IL1RAPL2: variants seen among roughly 807,000 people sequenced by gnomAD.
The protein encoded by IL1RAPL2 is X-linked interleukin-1 receptor accessory protein-like 2.
In IL1RAPL2, 3 loss-of-function variants were observed where a neutral mutation model predicts 44.1. That is an observed-to-expected ratio of 0.07 (90% CI 0.03 to 0.18). IL1RAPL2 has a LOEUF of 0.18. Among genes scored for constraint, IL1RAPL2 ranks in the 10% least tolerant of loss-of-function variants. IL1RAPL2 has a pLI of 1.00. For missense variants in IL1RAPL2, 391 were observed against 496.4 expected (o/e 0.79, Z 2.02); for synonymous variants, 181 against 178.8 (o/e 1.01, Z -0.10).
chrX:105,185,029 C>T (rs1160750526), intron 2 of IL1RAPL2, among the ~76,000 whole-genome samples: 1 of 111,865 alleles, frequency 8.9e-6, no homozygotes, highest in Non-Finnish European at 1.9e-5. Context: ...CTCTCTTAGA[C>T]GTCAGTTGAC....
intron 2 of IL1RAPL2, among the ~76,000 whole-genome samples, chrX:104,988,133 C>G (rs1322318291): frequency 8.9e-6 from 1 of 112,248 alleles, no homozygotes; most frequent in Non-Finnish European, 1.9e-5. Context: ...CACTAGCTAT[C>G]TGCTGTGGTG....
intron 2 of IL1RAPL2, among the ~76,000 whole-genome samples, chrX:104,857,057 G>T (rs1922384348): frequency 8.9e-6 from 1 of 111,881 alleles, no homozygotes; most frequent in African/African-American, 3.2e-5. Context: ...TTCCCACAAT[G>T]CCATATTACT....
At chrX:105,341,991 G>A (rs1352951651) in intron 5 of IL1RAPL2, among the ~76,000 whole-genome samples, 2 of 109,759 alleles carry the variant, frequency 1.8e-5, no homozygotes, top group Admixed American at 9.8e-5. Context: ...AAAAAATGAT[G>A]AGTTCATGTC....
chrX:105,149,155 C>G (rs758794022), intron 2 of IL1RAPL2, among the ~76,000 whole-genome samples: 2 of 111,903 alleles, frequency 1.8e-5, no homozygotes, highest in South Asian at 7.5e-4. Flanking sequence ...ATGCTCTTAT[C>G]TTTGGTTTCT....
chrX:105,486,734 A>ATATCTATCTATC (rs34493388), intron 6 of IL1RAPL2, among the ~76,000 whole-genome samples: 7,913 of 103,824 alleles, frequency 0.076, 728 homozygotes, highest in African/African-American at 0.25. Flanking sequence ...CTATATATCT[A>ATATCTATCTATC]TATCTATCTA....
intron 1 of IL1RAPL2, among the ~76,000 whole-genome samples, chrX:104,650,110 A>T (rs1407315616): frequency 9.0e-6 from 1 of 111,466 alleles, no homozygotes; most frequent in Non-Finnish European, 1.9e-5. Context: ...TGGGATTTTT[A>T]TATACTAACC....
At chrX:104,647,953 T>G in intron 1 of IL1RAPL2, 1 of 819,843 alleles carries the variant, frequency 1.2e-6, no homozygotes, top group Non-Finnish European at 1.8e-6. Flanking sequence ...CTACAACAGC[T>G]AAGGCCAGGC....
intron 2 of IL1RAPL2, among the ~76,000 whole-genome samples, chrX:104,762,865 C>G (rs955487650): frequency 8.9e-6 from 1 of 111,856 alleles, no homozygotes; most frequent in African/African-American, 3.2e-5. Flanking sequence ...CTGGGCCTAG[C>G]CCAGGAAACC....
At chrX:105,589,434 T>A (rs1461636095) in intron 6 of IL1RAPL2, among the ~76,000 whole-genome samples, 1 of 110,838 alleles carries the variant, frequency 9.0e-6, no homozygotes, top group African/African-American at 3.3e-5. Context: ...ATTGCTTTTG[T>A]CATGAAATTG....
At chrX:104,894,180 T>A (rs1156996069) in intron 2 of IL1RAPL2, among the ~76,000 whole-genome samples, 2 of 111,973 alleles carry the variant, frequency 1.8e-5, no homozygotes, top group Admixed American at 9.5e-5. Context: ...CTTCCCTTTG[T>A]GGGTAACCCG....
intron 1 of IL1RAPL2, among the ~76,000 whole-genome samples, chrX:104,629,985 T>C (rs1050755180): frequency 8.1e-5 from 9 of 111,221 alleles, no homozygotes; most frequent in Admixed American, 1.9e-4. Flanking sequence ...TGTTCTTTTT[T>C]TTGTTTGTTT....
In IL1RAPL2 at chrX:105,406,553, C is replaced by T. The variant is rs1050435185; in HGVS notation, c.698-77760C>T. On this transcript the variant is annotated intron_variant, in intron 5 of 10. Coordinates refer to ENST00000372582, the MANE Select transcript of IL1RAPL2 (RefSeq NM_017416.2). The stretch of plus-strand genomic sequence containing the variant: ...AACTGCGATGCCAGGATTTGAACTT[C>T]AGTGGTGCTGATCTTTCTCGTTTGG... The T allele has an allele frequency of 1.0e-5, 12 of 1,193,401 alleles. No homozygotes were observed. The Admixed American group carries it at 2.6e-4, about 26-fold the overall frequency.
At chrX:105,668,764 A>G (rs1008216075) in intron 6 of IL1RAPL2, among the ~76,000 whole-genome samples, 1 of 112,076 alleles carries the variant, frequency 8.9e-6, no homozygotes, top group Non-Finnish European at 1.9e-5. Context: ...CGGTAGTGTG[A>G]CCACCCATGT....
intron 2 of IL1RAPL2, among the ~76,000 whole-genome samples, chrX:104,973,402 A>C (rs1220669152): frequency 6.3e-5 from 7 of 111,742 alleles, no homozygotes; most frequent in Admixed American, 9.5e-5. Context: ...AGATTATATC[A>C]AGAGAAACTA....
At chrX:105,581,732 T>C (rs1160755349) in intron 6 of IL1RAPL2, among the ~76,000 whole-genome samples, 1 of 111,499 alleles carries the variant, frequency 9.0e-6, no homozygotes, top group Non-Finnish European at 1.9e-5. Flanking sequence ...GTTAAGCCTC[T>C]TGATGACATT....
chrX:105,311,199 T>C (rs746966724), intron 5 of IL1RAPL2, among the ~76,000 whole-genome samples: 4 of 111,634 alleles, frequency 3.6e-5, no homozygotes, highest in African/African-American at 1.3e-4. Context: ...ATGTATCTCT[T>C]ATAGACAACA....
At chrX:104,761,917 CCTTCTCCTTCTTCTTCTT>C (rs1569309880) in intron 2 of IL1RAPL2, among the ~76,000 whole-genome samples, 37 of 30,803 alleles carry the variant, frequency 1.2e-3, no homozygotes, top group Admixed American at 4.2e-3. Context: ...TTCTCCTTCT[CCTTCTCCTTCTTCTTCTT>C]CTTCTTCTTC....
intron 2 of IL1RAPL2, among the ~76,000 whole-genome samples, chrX:104,660,656 G>A (rs1930379058): frequency 1.0e-5 from 1 of 97,024 alleles, no homozygotes; most frequent in Non-Finnish European, 2.1e-5. Context: ...CATATAGCTG[G>A]GCTATTACAG....
At chrX:104,730,372 T>G (rs1311511573) in intron 2 of IL1RAPL2, among the ~76,000 whole-genome samples, 17 of 31,981 alleles carry the variant, frequency 5.3e-4, no homozygotes, top group Non-Finnish European at 8.3e-4. Flanking sequence ...ATCCCTCCCC[T>G]CCCCCCCACC....
Sources: gnomAD v4.1 joint callset for allele counts (sites outside exome capture counted in the v4.1 genomes callset) on GRCh38, gnomAD v4.1.1 for gene constraint, MANE v1.5 for transcripts, NCBI Gene and HGNC (gene_info 2026-07-23, HGNC 2026-07-21) for gene names.